The following PGBD1 variants were observed in gnomAD, a reference collection of about 807,000 sequenced individuals.
The protein encoded by PGBD1 is piggyBac transposable element-derived protein 1.
Under a neutral mutation model 34.7 loss-of-function variants are expected in PGBD1, and 25 were observed. The ratio of observed to expected loss-of-function variants is 0.72; its 90% CI spans 0.52 to 1.00. PGBD1 has a LOEUF of 1.00. PGBD1 is among the 50% of genes least tolerant of loss of function. The pLI, the probability that PGBD1 is intolerant of heterozygous loss-of-function variation, is 0.00. For missense variants in PGBD1, 830 were observed against 959.4 expected, an observed-to-expected ratio of 0.87 and a Z score of 1.78; for synonymous variants, 292 against 335.7, an observed-to-expected ratio of 0.87 and a Z score of 1.42.
chr6:28,297,518 A>G (rs939481463), intron 5 of PGBD1, among the ~76,000 whole-genome samples: 1 of 152,134 alleles, frequency 6.6e-6, no homozygotes, highest in African/African-American at 2.4e-5. Context: ...CTGGGGCTAC[A>G]CCCAGGTAAT....
At chr6:28,290,392 G>A (rs1443045755) in intron 4 of PGBD1, among the ~76,000 whole-genome samples, 2 of 152,072 alleles carry the variant, frequency 1.3e-5, no homozygotes, top group African/African-American at 2.4e-5. Flanking sequence ...CACCATGCCC[G>A]GCTGTATATA....
chr6:28,297,816 G>GTGTT, intron 5 of PGBD1, 79 bp from the exon 6 acceptor site: 10 of 347,640 alleles, frequency 2.9e-5, no homozygotes, highest in Admixed American at 6.5e-5. Flanking sequence ...TACCCTGGAA[G>GTGTT]TTTTTTTTTT....
rs569083880 is a variant in PGBD1 at position 28,300,834 on chromosome 6, A to C, written c.980A>C (p.His327Pro). 1 of 1,614,150 alleles carries C rather than the reference A, an allele frequency of 6.2e-7. No homozygotes were observed. Among genetic ancestry groups the C allele is most frequent in the African/African-American group, 1.3e-5 (1 of 75,028 alleles). ...CCAGGTGATTTGTGGGCCCGCATGC[A>C]CATCTCATCCCTGGAATATGCTGCA... ...RHPGDLWARMHISSLEYAAGD... is the reference protein window; with the variant it reads ...RHPGDLWARMPISSLEYAAGD... The change falls in exon 7 of 7, where the codon CAC (histidine) becomes CCC (proline). Residue 327 changes from histidine to proline, a missense_variant. Coordinates refer to ENST00000682144, the MANE Select transcript of PGBD1 (RefSeq NM_032507.4). This position sits in a 1 kb window ranked among gnomAD's most constrained non-coding sequence, Gnocchi z 4.0.
Position 28,296,865 on chromosome 6 carries a change from A to G in PGBD1, c.692A>G (p.Lys231Arg), listed in dbSNP as rs755677194. The change falls in exon 5 of 7, where the codon AAG becomes AGG. Residue 231 changes from lysine to arginine, a missense_variant. Lys to Arg is a conservative substitution (Grantham distance 26). Around this residue, in one of 3 missense-constraint regions of PGBD1, gnomAD observed 457 missense variants for 515.4 expected, o/e 0.89. Coordinates refer to ENST00000682144, the MANE Select transcript of PGBD1 (RefSeq NM_032507.4). ...EETAQAVAAE[K>R]WSHLSLTRRN... Reference sequence around the variant, plus strand: ...ACAGCCCAGGCCGTTGCTGCAGAGAAGTGGTCACATCTGAGTCTGACTCGG... The same window carrying G: ...ACAGCCCAGGCCGTTGCTGCAGAGAGGTGGTCACATCTGAGTCTGACTCGG... 1 of 1,614,176 alleles carries G rather than the reference A, an allele frequency of 6.2e-7. No homozygotes were observed. The highest frequency in any genetic ancestry group is 8.5e-7 in the Non-Finnish European group (1 of 1,180,012).
At chr6:28,299,048 G>T (rs536480818) in intron 6 of PGBD1, among the ~76,000 whole-genome samples, 1 of 152,334 alleles carries the variant, frequency 6.6e-6, no homozygotes, top group South Asian at 2.1e-4. Context: ...CTCAAGAGGA[G>T]AAGTGAAATT....
At chr6:28,284,452 A>C (rs1762227320) in intron 2 of PGBD1, among the ~76,000 whole-genome samples, 1 of 151,930 alleles carries the variant, frequency 6.6e-6, no homozygotes, top group African/African-American at 2.4e-5. Flanking sequence ...ATGTATATGT[A>C]TACACACACA....
chr6:28,294,254 A>G (rs1762560049), intron 4 of PGBD1, among the ~76,000 whole-genome samples: 1 of 152,202 alleles, frequency 6.6e-6, no homozygotes, highest in Admixed American at 6.5e-5. Flanking sequence ...TGAGGAAGCT[A>G]CAGAAGAATA....
chr6:28,292,026 A>G (rs1441406204), intron 4 of PGBD1, among the ~76,000 whole-genome samples: 1 of 152,232 alleles, frequency 6.6e-6, no homozygotes, highest in African/African-American at 2.4e-5. Context: ...GGAACAAGAT[A>G]AGAATGCCCA....
Position 28,298,005 on chromosome 6 carries a change from G to A in PGBD1, c.869+14G>A. 1 of 1,532,722 alleles carries A rather than the reference G, an allele frequency of 6.5e-7. No homozygotes were observed. The highest frequency in any genetic ancestry group is 9.0e-7 in the Non-Finnish European group (1 of 1,111,144). 94.9% of individuals were successfully genotyped at this position (1,532,722 alleles called of 1,614,324 possible). On this transcript the variant is annotated intron_variant, in intron 6 of 6. Transcript: ENST00000682144. The stretch of plus-strand genomic sequence containing the variant: ...AAAGCCCAACAGGTGAGTGTCCATG[G>A]TCCTCAGTGAATCAAATCCTGCAGA...
At chr6:28,298,238 G>C (rs933565845) in intron 6 of PGBD1, among the ~76,000 whole-genome samples, 2 of 152,098 alleles carry the variant, frequency 1.3e-5, no homozygotes, top group African/African-American at 4.8e-5. Context: ...GATCCAGTCT[G>C]TCCTGCTTGA....
chr6:28,288,588 G>A lies in PGBD1; in HGVS notation c.642+1420G>A, dbSNP rs141553495. The stretch of plus-strand genomic sequence containing the variant: ...AAATAACAATAGGCCGGGTGCAGTG[G>A]CTCTCAACTGTAATCCCAGAACTTT... On this transcript the variant is annotated intron_variant, in intron 4 of 6. Coordinates refer to ENST00000682144, the MANE Select transcript of PGBD1 (RefSeq NM_032507.4). 6.5e-4 allele frequency among the ~76,000 whole-genome samples: 99 copies of A among 152,242 alleles called. 1 individual carries two copies. Among genetic ancestry groups the A allele is most frequent in the Admixed American group, 3.0e-3 (46 of 15,280 alleles).
Position 28,297,816 on chromosome 6 carries a change from GTTTTTTT to G in PGBD1, c.773-56_773-50del, listed in dbSNP as rs368634720. On this transcript the variant is annotated intron_variant, in intron 5 of 6. Transcript: ENST00000682144. Reference sequence around the variant, plus strand: ...GGAACATCTATTCCCTACCCTGGAAGTTTTTTTTTTTTTTTTTTTTTTTTTTTTTCAA... The same window carrying G: ...GGAACATCTATTCCCTACCCTGGAAGTTTTTTTTTTTTTTTTTTTTTTCAA... The G allele has an allele frequency of 3.0e-3, 1,034 of 350,358 alleles. 10 individuals are homozygous for G. Among genetic ancestry groups the G allele is most frequent in the Non-Finnish European group, 4.1e-3 (853 of 207,170 alleles). 21.7% of individuals were successfully genotyped at this position (350,358 alleles called of 1,614,324 possible).
At chr6:28,288,871 C>A (rs1452579057) in intron 4 of PGBD1, among the ~76,000 whole-genome samples, 1 of 151,954 alleles carries the variant, frequency 6.6e-6, no homozygotes, top group Non-Finnish European at 1.5e-5. Context: ...ACCTGCAATG[C>A]CAGCTACTCG....
rs1762262564 is a variant in PGBD1 at position 28,285,596 on chromosome 6, G to C, written c.442G>C (p.Glu148Gln). 1 of 1,614,028 alleles carries C rather than the reference G, an allele frequency of 6.2e-7. No individual in the cohort carries two copies. The highest frequency in any genetic ancestry group is 8.5e-7 in the Non-Finnish European group (1 of 1,180,022). Residue 148 changes from glutamate to glutamine, a missense_variant, in exon 3 of 7, where the codon GAA becomes CAA. Around this residue, in one of 3 missense-constraint regions of PGBD1, gnomAD observed 457 missense variants for 515.4 expected, o/e 0.89. Transcript: ENST00000682144. ...ACAGGACATGCACCCAATGGTGGCA[G>C]AATATCAAGGAGTCTCTTTGGAGTG... is the stretch of plus-strand genomic sequence containing the variant. ...QGQDMHPMVA[E>Q]YQGVSLECQS...
rs368634720 is a variant in PGBD1 at position 28,297,816 on chromosome 6, GTTT to G, written c.773-52_773-50del. 1,560 of 349,942 alleles carry G rather than the reference GTTT, an allele frequency of 4.5e-3. 6 individuals carry two copies. In the African/African-American group the frequency reaches 0.047, roughly 11 times the overall value. The allele number at this position is 349,942 out of a possible 1,614,324, so 21.7% of individuals were successfully genotyped here. On this transcript the variant is annotated intron_variant, in intron 5 of 6. Transcript: ENST00000682144. ...GGAACATCTATTCCCTACCCTGGAA[GTTT>G]TTTTTTTTTTTTTTTTTTTTTTTTT...
rs1762140671 is a variant in PGBD1, at chr6:28,281,868, G to A, written c.-89G>A. On this transcript the variant is annotated 5_prime_UTR_variant, in exon 1 of 7. The change creates a new upstream start codon in the 5' untranslated region. Coordinates refer to ENST00000682144, the MANE Select transcript of PGBD1 (RefSeq NM_032507.4). ...AGGGTGCTGGCTGCTGGCATCTCAG[G>A]TGCTTTACGTGCATTCGTGAAGAAG... 6.5e-6 allele frequency: 1 copy of A among 154,318 alleles called. No individual in the cohort carries two copies. The highest frequency in any genetic ancestry group is 2.4e-5 in the African/African-American group (1 of 41,560). The allele number at this position is 154,318 out of a possible 1,614,324, so 9.6% of individuals were successfully genotyped here.
intron 3 of PGBD1, 56 bp from the exon 4 acceptor site, chr6:28,287,024 G>C (rs1456601024): frequency 7.2e-7 from 1 of 1,379,444 alleles, no homozygotes; most frequent in Admixed American, 1.7e-5. Context: ...TCTCCAAAAA[G>C]GGTACCCTAA....
intron 2 of PGBD1, 57 bp from the exon 3 acceptor site, chr6:28,285,494 C>T (rs1280615803): frequency 2.1e-5 from 32 of 1,540,754 alleles, no homozygotes; most frequent in Non-Finnish European, 2.7e-5. Flanking sequence ...CAGTGCCAGG[C>T]TCTTAGCATG....
chr6:28,298,069 C>A, intron 6 of PGBD1, 78 bp downstream of exon 6: 3 of 953,104 alleles, frequency 3.1e-6, no homozygotes, highest in South Asian at 2.9e-5. Context: ...ACCAATTGGT[C>A]AAAGGCCTGC....
Sources: gnomAD v4.1 joint callset for allele counts (sites outside exome capture counted in the v4.1 genomes callset) on GRCh38, gnomAD v4.1.1 for gene constraint, gnomAD v4.1.1 regional missense constraint, Gnocchi (gnomAD v3.1) non-coding constraint, MANE v1.5 for transcripts, NCBI Gene and HGNC (gene_info 2026-07-23, HGNC 2026-07-21) for gene names.